The following IQSEC3 variants were observed in gnomAD, a reference collection of about 807,000 sequenced individuals.
IQSEC3 encodes the protein IQ motif and SEC7 domain-containing protein 3.
IQSEC3 carries 50 observed loss-of-function variants against 105.4 expected under a neutral mutation model. The observed-to-expected ratio is 0.47, with a 90% CI of 0.38 to 0.60. IQSEC3 has a LOEUF of 0.60. IQSEC3 is among the 20% of genes least tolerant of loss of function. The pLI is 0.00. For synonymous variants in IQSEC3, 708 were observed against 746.0 expected, an observed-to-expected ratio of 0.95 and a Z score of 0.83; for missense variants, 1,415 against 1,630.0, an observed-to-expected ratio of 0.87 and a Z score of 2.27.
At chr12:133,951 T>A (rs1865676039) in intron 3 of IQSEC3, among the ~76,000 whole-genome samples, 1 of 152,078 alleles carries the variant, frequency 6.6e-6, no homozygotes, top group Admixed American at 6.6e-5. Flanking sequence ...GGAGGTTCAG[T>A]GTAAAATAGG....
At chr12:156,887 A>G in intron 5 of IQSEC3, 138 bp from the exon 6 acceptor site, 11 of 1,090,000 alleles carry the variant, frequency 1.0e-5, no homozygotes, top group Non-Finnish European at 1.3e-5. Context: ...CTCTTGGGGC[A>G]TTAAAGGGCG....
At position 125,951 on chromosome 12, in the gene IQSEC3, A is replaced by AG. The variant is rs782757976; in HGVS notation, c.903+43dup. 25 of 1,515,784 alleles carry AG rather than the reference A, an allele frequency of 1.6e-5. No homozygotes were observed. In the African/African-American group the frequency reaches 2.8e-4, roughly 17 times the overall value. The allele number at this position is 1,515,784 out of a possible 1,614,324, so 93.9% of individuals were successfully genotyped here. ...CCTAGGGGGGCGGGGAGGGTGGTGA[A>AG]GGGGCCCTGCTTTGGGGGCTGTCGA... On this transcript the variant is annotated intron_variant, in intron 3 of 13. Coordinates refer to ENST00000538872, the MANE Select transcript of IQSEC3 (RefSeq NM_001170738.2).
intron 1 of IQSEC3, among the ~76,000 whole-genome samples, chr12:97,676 C>T (rs1186495104): frequency 6.6e-6 from 1 of 152,072 alleles, no homozygotes; most frequent in Admixed American, 6.6e-5. Context: ...ATTAGCTGAG[C>T]CTGGTGGCAC....
chr12:138,095 C>T lies in IQSEC3; in HGVS notation c.904-172C>T, dbSNP rs902563190. Reference sequence around the variant, plus strand: ...TCCTACACCTCTAGGAGTCTTGCCACGTGGCCAGGACGTTCTAGGCGGTTC... The same window carrying T: ...TCCTACACCTCTAGGAGTCTTGCCATGTGGCCAGGACGTTCTAGGCGGTTC... On this transcript the variant is annotated intron_variant, in intron 3 of 13. Transcript: ENST00000538872. This position sits in a 1 kb window ranked among gnomAD's most constrained non-coding sequence, Gnocchi z 7.1. Among the ~76,000 whole-genome samples the T allele has an allele frequency of 6.6e-6, 1 of 152,138 alleles. No individual in the cohort carries two copies. Among genetic ancestry groups the T allele is most frequent in the Non-Finnish European group, 1.5e-5 (1 of 68,014 alleles).
At chr12:136,972 A>G (rs1865789474) in intron 3 of IQSEC3, among the ~76,000 whole-genome samples, 1 of 152,160 alleles carries the variant, frequency 6.6e-6, no homozygotes, top group Admixed American at 6.5e-5. Flanking sequence ...GAGAGGAGGC[A>G]CGCTGGCCCC....
chr12:144,580 A>G (rs559409386), intron 5 of IQSEC3: 40 of 152,366 alleles, frequency 2.6e-4, no homozygotes, highest in African/African-American at 9.6e-4. Flanking sequence ...CTGTGCGGAA[A>G]GGAAGAGGAG....
chr12:141,324 C>T lies in IQSEC3; in HGVS notation c.2153+39C>T, dbSNP rs149789797. On this transcript the variant is annotated intron_variant, in intron 5 of 13. Transcript: ENST00000538872. The stretch of plus-strand genomic sequence containing the variant: ...ACTCCGGGCTTTCCCCACTCCTTCC[C>T]ACACCCCACCTGCCCGGGCTCTCTC... 9,890 of 1,590,414 alleles carry T rather than the reference C, an allele frequency of 6.2e-3. 38 individuals carry two copies. Among genetic ancestry groups the T allele is most frequent in the Non-Finnish European group, 7.6e-3 (8,874 of 1,161,878 alleles).
intron 3 of IQSEC3, among the ~76,000 whole-genome samples, chr12:134,713 A>G (rs1248004469): frequency 1.4e-3 from 195 of 140,420 alleles, no homozygotes; most frequent in Non-Finnish European, 2.4e-3. Flanking sequence ...TGGCCAACAT[A>G]GCAAAACTCT....
intron 3 of IQSEC3, among the ~76,000 whole-genome samples, chr12:126,990 G>A (rs1865436886): frequency 6.6e-6 from 1 of 152,186 alleles, no homozygotes; most frequent in South Asian, 2.1e-4. Context: ...TACCCTATGT[G>A]CACATGCCAG....
chr12:137,647 A>AG, intron 3 of IQSEC3: 1 of 149,032 alleles, frequency 6.7e-6, no homozygotes, highest in East Asian at 2.0e-4. Flanking sequence ...AAAAAAAAAA[A>AG]GAAGAAAAGA....
At chr12:112,599 C>T (rs1470243232) in intron 2 of IQSEC3, among the ~76,000 whole-genome samples, 1 of 152,186 alleles carries the variant, frequency 6.6e-6, no homozygotes, top group Non-Finnish European at 1.5e-5. Flanking sequence ...AGACAAGGCA[C>T]AAGGCATCCC....
At chr12:82,553 C>A (rs1299378603) in intron 1 of IQSEC3, among the ~76,000 whole-genome samples, 1 of 152,088 alleles carries the variant, frequency 6.6e-6, no homozygotes. Context: ...GACCGTCCAC[C>A]GCAGCAAAGG....
chr12:157,157 C>T lies in IQSEC3; in HGVS notation c.2276+10C>T, dbSNP rs1555094587. On this transcript the variant is annotated intron_variant, in intron 6 of 13. Transcript: ENST00000538872. ...TCATTGAGGCCTTCAGGTAAGGCCG[C>T]TTCCCAGCTCCACTCCCCAACAGAC... The T allele has an allele frequency of 1.3e-5, 20 of 1,548,694 alleles. No individual in the cohort carries two copies. The highest frequency in any genetic ancestry group is 1.7e-5 in the Non-Finnish European group (19 of 1,146,430).
chr12:74,477 G>A (rs528785353), intron 1 of IQSEC3, among the ~76,000 whole-genome samples: 1 of 152,406 alleles, frequency 6.6e-6, no homozygotes, highest in Non-Finnish European at 1.5e-5. Context: ...GCCCGGGTGG[G>A]GGTGGAGGGC....
chr12:118,431 G>A (rs1865117363), intron 2 of IQSEC3, among the ~76,000 whole-genome samples: 1 of 150,900 alleles, frequency 6.6e-6, no homozygotes, highest in Non-Finnish European at 1.5e-5. Context: ...AATCTTGAGG[G>A]GACGTGACGC....
In IQSEC3 at chr12:67,033, C is replaced by G. The variant is rs1555065550; in HGVS notation, c.151C>G (p.Arg51Gly). ...RRLDELSAEN[R>G]SLWEHQQLLQ... ...GCTGGACGAGCTGAGCGCTGAGAAC[C>G]GCAGCCTGTGGGAGCACCAGCAGCT... is the stretch of plus-strand genomic sequence containing the variant. The change falls in exon 1 of 14, where the codon CGC (arginine) becomes GGC (glycine). Residue 51 changes from arginine to glycine, a missense_variant. Physicochemically the swap from Arg to Gly is moderately radical, Grantham distance 125. This residue lies in a region of IQSEC3 where 34 missense variants were observed against 80.3 expected (regional missense o/e 0.42). Coordinates refer to ENST00000538872, the MANE Select transcript of IQSEC3 (RefSeq NM_001170738.2). 6.5e-7 allele frequency: 1 copy of G among 1,532,574 alleles called. No individual in the cohort carries two copies. The highest frequency in any genetic ancestry group is 1.8e-4 in the Middle Eastern group (1 of 5,594). 94.9% of individuals were successfully genotyped at this position (1,532,574 alleles called of 1,614,324 possible).
At chr12:99,802 C>A (rs1357568921) in intron 2 of IQSEC3, among the ~76,000 whole-genome samples, 1 of 152,190 alleles carries the variant, frequency 6.6e-6, no homozygotes, top group Non-Finnish European at 1.5e-5. Context: ...TCCTCCTGCC[C>A]TCTGCCTCCC....
At chr12:90,812 C>G (rs182134596) in intron 1 of IQSEC3, among the ~76,000 whole-genome samples, 17 of 152,266 alleles carry the variant, frequency 1.1e-4, no homozygotes, top group African/African-American at 4.1e-4. Context: ...CTCCTCCTCA[C>G]CCCAGGAATC....
intron 11 of IQSEC3, among the ~76,000 whole-genome samples, chr12:168,069 A>G (rs1347002330): frequency 2.0e-5 from 3 of 152,224 alleles, no homozygotes; most frequent in African/African-American, 7.2e-5. Context: ...CCTGGTTTCT[A>G]GACAACCAGA....
Sources: gnomAD v4.1 joint callset for allele counts (sites outside exome capture counted in the v4.1 genomes callset) on GRCh38, gnomAD v4.1.1 for gene constraint, gnomAD v4.1.1 regional missense constraint, Gnocchi (gnomAD v3.1) non-coding constraint, MANE v1.5 for transcripts, NCBI Gene and HGNC (gene_info 2026-07-23, HGNC 2026-07-21) for gene names.